NSMF: variants seen among roughly 807,000 people sequenced by gnomAD.
The protein encoded by NSMF is nasal embryonic LHRH factor.
In NSMF, 31 loss-of-function variants were observed where a neutral mutation model predicts 71.0. That is an observed-to-expected ratio of 0.44 (90% CI 0.33 to 0.59). The LOEUF is 0.59. NSMF is among the 20% of genes least tolerant of loss of function. The pLI is 0.04. For synonymous variants in NSMF, 345 were observed against 287.1 expected, an observed-to-expected ratio of 1.20 and a Z score of -2.04; for missense variants, 673 against 740.5, an observed-to-expected ratio of 0.91 and a Z score of 1.06.
At chr9:137,452,293 C>T (rs1218645104) in intron 12 of NSMF, 72 bp downstream of exon 12, 4 of 1,348,714 alleles carry the variant, frequency 3.0e-6, no homozygotes, top group Non-Finnish European at 4.1e-6. Flanking sequence ...CCCAACTTGA[C>T]TTCTTCCCCT....
intron 6 of NSMF, chr9:137,454,667 A>G (rs776570940): frequency 3.9e-6 from 6 of 1,528,098 alleles, no homozygotes; most frequent in Non-Finnish European, 5.3e-6. Context: ...ACAAAGGTGC[A>G]GTGCCTGGCG....
In NSMF at chr9:137,449,291, C is replaced by G. The variant is rs914036120; in HGVS notation, c.*103G>C. The G allele has an allele frequency of 7.1e-6, 7 of 988,426 alleles. No individual in the cohort carries two copies. The African/African-American group carries it at 8.0e-5, about 11-fold the overall frequency. The allele number at this position is 988,426 out of a possible 1,614,324, so 61.2% of individuals were successfully genotyped here. ...TGAGGTGCCCTGAAGTGGCTCCAGG[C>G]GAGACCGGAGCCACACAGTCCCGGG... On this transcript the variant is annotated 3_prime_UTR_variant, in exon 16 of 16. Transcript: ENST00000371475.
chr9:137,452,968 G>A (rs928727628), intron 9 of NSMF, 88 bp downstream of exon 9: 8 of 1,596,206 alleles, frequency 5.0e-6, no homozygotes, highest in Admixed American at 1.7e-5. Context: ...GGAGAAGGCT[G>A]CGTGGTCCCA....
At chr9:137,455,491 C>T (rs777983858) in intron 5 of NSMF, 138 bp downstream of exon 5, 738 of 1,205,816 alleles carry the variant, frequency 6.1e-4, no homozygotes, top group Non-Finnish European at 8.1e-4. Flanking sequence ...ACCTCGGTGC[C>T]CGCTGGGAGC....
intron 7 of NSMF, 109 bp downstream of exon 7, chr9:137,454,281 GC>G: frequency 9.3e-7 from 1 of 1,072,984 alleles, no homozygotes; most frequent in South Asian, 1.3e-5. Context: ...CTGAGGCAGG[GC>G]CCGATTGGGG....
chr9:137,454,726 C>T (rs896706235), intron 6 of NSMF: 3 of 1,489,836 alleles, frequency 2.0e-6, no homozygotes, highest in Admixed American at 2.0e-5. Context: ...TCTGACCTTC[C>T]GTCCTCGCCC....
At chr9:137,452,276 G>C in intron 12 of NSMF, 89 bp downstream of exon 12, 1 of 797,460 alleles carries the variant, frequency 1.3e-6, no homozygotes, top group South Asian at 1.7e-5. Flanking sequence ...TCTTCCCCTT[G>C]GTCTCCCCCA....
At position 137,453,671 on chromosome 9, in the gene NSMF, G is replaced by A. The variant is rs1349345446; in HGVS notation, c.922+60C>T. Reference sequence around the variant, plus strand: ...CGGCCCTGGCAGGGGACCCCCAGCAGGGGTCTGGGGTCTAGGGGAGGCTCT... The same window carrying A: ...CGGCCCTGGCAGGGGACCCCCAGCAAGGGTCTGGGGTCTAGGGGAGGCTCT... On this transcript the variant is annotated intron_variant, in intron 8 of 15. Transcript: ENST00000371475. This position sits in a 1 kb window ranked among gnomAD's most constrained non-coding sequence, Gnocchi z 4.5. 15 of 1,343,978 alleles carry A rather than the reference G, an allele frequency of 1.1e-5. No individual in the cohort carries two copies. Among genetic ancestry groups the A allele is most frequent in the Non-Finnish European group, 1.4e-5 (14 of 981,282 alleles). The allele number at this position is 1,343,978 out of a possible 1,614,324, so 83.3% of individuals were successfully genotyped here.
At chr9:137,456,549 C>A in intron 3 of NSMF, 63 bp from the exon 4 acceptor site, 1 of 1,104,260 alleles carries the variant, frequency 9.1e-7, no homozygotes, top group South Asian at 1.2e-5. Context: ...CTCTCCCTCC[C>A]TGTTGGGAAG....
At position 137,453,840 on chromosome 9, in the gene NSMF, C is replaced by A. The variant is rs751769249; in HGVS notation, c.833-20G>T. The A allele has an allele frequency of 6.4e-7, 1 of 1,566,946 alleles. No individual in the cohort carries two copies. The highest frequency in any genetic ancestry group is 1.1e-5 in the South Asian group (1 of 87,212). Reference sequence around the variant, plus strand: ...CGAACGCTGCAGAGAGCAAAACCCGCATTAGCGAGCGGGTGGGGCGGGGCC... The same window carrying A: ...CGAACGCTGCAGAGAGCAAAACCCGAATTAGCGAGCGGGTGGGGCGGGGCC... On this transcript the variant is annotated intron_variant, in intron 7 of 15. Coordinates refer to ENST00000371475, the MANE Select transcript of NSMF (RefSeq NM_001130969.3). The surrounding 1 kb of genome is among the most constrained non-coding windows in gnomAD (Gnocchi z 4.5).
Position 137,459,146 on chromosome 9 carries a change from G to A in NSMF, c.-44C>T. 8.9e-7 allele frequency: 1 copy of A among 1,119,418 alleles called. No individual in the cohort carries two copies. Among genetic ancestry groups the A allele is most frequent in the Non-Finnish European group, 1.1e-6 (1 of 917,778 alleles). The allele number at this position is 1,119,418 out of a possible 1,614,324, so 69.3% of individuals were successfully genotyped here. A position where few individuals can be genotyped will look rare whatever the true frequency, so the allele number is the denominator to read the frequency against. On this transcript the variant is annotated 5_prime_UTR_variant, in exon 1 of 16. Transcript: ENST00000371475. Reference sequence around the variant, plus strand: ...TCCCCCGGGCCTCAGAGCGCGCCCCGCGCCCGCCGCCTCCGCCGGGGTAGC... The same window carrying A: ...TCCCCCGGGCCTCAGAGCGCGCCCCACGCCCGCCGCCTCCGCCGGGGTAGC...
At position 137,453,880 on chromosome 9, in the gene NSMF, C is replaced by G; in HGVS notation, c.833-60G>C. On this transcript the variant is annotated intron_variant, in intron 7 of 15. Coordinates refer to ENST00000371475, the MANE Select transcript of NSMF (RefSeq NM_001130969.3). This position sits in a 1 kb window ranked among gnomAD's most constrained non-coding sequence, Gnocchi z 4.5. ...GGGGCGGGGCCTCGGGAGTCTCAGA[C>G]CCCAGGCGAGGGGACCACAGGGGCC... 1 of 1,449,298 alleles carries G rather than the reference C, an allele frequency of 6.9e-7. No homozygotes were observed. The highest frequency in any genetic ancestry group is 9.4e-7 in the Non-Finnish European group (1 of 1,068,448). The allele number at this position is 1,449,298 out of a possible 1,614,324, so 89.8% of individuals were successfully genotyped here.
chr9:137,449,178 G>C lies in NSMF; in HGVS notation c.*216C>G. On this transcript the variant is annotated 3_prime_UTR_variant, in exon 16 of 16. Transcript: ENST00000371475. ...GCTGAGCATCCACGGGCCACAGGGCGGGATCCTCCCGGCCCCCAGGGACTG... is the reference window on the plus strand; with the variant it reads ...GCTGAGCATCCACGGGCCACAGGGCCGGATCCTCCCGGCCCCCAGGGACTG... 5.0e-6 allele frequency: 3 copies of C among 603,074 alleles called. No individual in the cohort carries two copies. Among genetic ancestry groups the C allele is most frequent in the Non-Finnish European group, 8.9e-6 (3 of 336,598 alleles). The allele number at this position is 603,074 out of a possible 1,614,324, so 37.4% of individuals were successfully genotyped here.
At chr9:137,456,523 T>C (rs772973987) in intron 3 of NSMF, 37 bp from the exon 4 acceptor site, 8 of 1,424,266 alleles carry the variant, frequency 5.6e-6, no homozygotes, top group East Asian at 2.3e-5. Flanking sequence ...CTGGGTGAAG[T>C]AGGGGTTCCT....
rs371802851 is a variant in NSMF at position 137,449,882 on chromosome 9, G to C, written c.1419+41C>G. ...CTCTGCCCTGTCTGTCCACGTCGGG[G>C]GTTTCCAGAGGTCTGGGGTGGGGCT... On this transcript the variant is annotated intron_variant, in intron 14 of 15. Coordinates refer to ENST00000371475, the MANE Select transcript of NSMF (RefSeq NM_001130969.3). 61 of 1,530,060 alleles carry C rather than the reference G, an allele frequency of 4.0e-5. No homozygotes were observed. The South Asian group carries it at 6.0e-4, about 15-fold the overall frequency. 94.8% of individuals were successfully genotyped at this position (1,530,060 alleles called of 1,614,324 possible).
At position 137,457,314 on chromosome 9, in the gene NSMF, C is replaced by T; in HGVS notation, c.628+93G>A. 3 of 1,563,522 alleles carry T rather than the reference C, an allele frequency of 1.9e-6. No homozygotes were observed. The East Asian group carries it at 6.7e-5, about 35-fold the overall frequency. Reference sequence around the variant, plus strand: ...GCATGCTGTGACCTGAGCACCTGTTCTCTGTTCCAAGCCTCACAGTGGCTG... The same window carrying T: ...GCATGCTGTGACCTGAGCACCTGTTTTCTGTTCCAAGCCTCACAGTGGCTG... On this transcript the variant is annotated intron_variant, in intron 3 of 15. Transcript: ENST00000371475.
At chr9:137,456,605 C>T (rs1055127613) in intron 3 of NSMF, 119 bp from the exon 4 acceptor site, 165 of 374,276 alleles carry the variant, frequency 4.4e-4, no homozygotes, top group East Asian at 4.9e-4. Flanking sequence ...GCAGCCAGGG[C>T]GGGTGGGGGG....
rs1683965236 is a variant in NSMF at position 137,448,746 on chromosome 9, CTAAG to C, written c.*644_*647del. 6.4e-6 allele frequency: 1 copy of C among 156,600 alleles called. No homozygotes were observed. The highest frequency in any genetic ancestry group is 1.4e-5 in the Non-Finnish European group (1 of 70,782). 9.7% of individuals were successfully genotyped at this position (156,600 alleles called of 1,614,324 possible). On this transcript the variant is annotated 3_prime_UTR_variant, in exon 16 of 16. Coordinates refer to ENST00000371475, the MANE Select transcript of NSMF (RefSeq NM_001130969.3). The surrounding 1 kb of genome is among the most constrained non-coding windows in gnomAD (Gnocchi z 5.3). ...TACCGGGTCCGGCGCCGGCTGAGGTCTAAGTAAGCAGGGATGGGGGGTGGCAAGA... is the reference window on the plus strand; with the variant it reads ...TACCGGGTCCGGCGCCGGCTGAGGTCTAAGCAGGGATGGGGGGTGGCAAGA...
chr9:137,455,957 C>T (rs1215853499), intron 4 of NSMF, among the ~76,000 whole-genome samples: 1 of 152,238 alleles, frequency 6.6e-6, no homozygotes, highest in African/African-American at 2.4e-5. Context: ...GGGAACTTCC[C>T]TGGAAGGAAT....
Sources: allele counts gnomAD v4.1 joint callset (sites outside exome capture counted in the v4.1 genomes callset), GRCh38; gene constraint gnomAD v4.1.1; non-coding constraint Gnocchi (gnomAD v3.1); transcripts MANE v1.5; gene names NCBI Gene and HGNC (gene_info 2026-07-23, HGNC 2026-07-21).